Variants in TRAPPC8 observed in about 807,000 individuals in gnomAD.
The protein encoded by TRAPPC8 is trafficking protein particle complex subunit 8.
TRAPPC8 carries 54 observed loss-of-function variants against 174.3 expected under a neutral mutation model. That is an observed-to-expected ratio of 0.31 (90% CI 0.25 to 0.39). The LOEUF (loss-of-function observed/expected upper bound fraction) is 0.39. TRAPPC8 is among the 10% of genes least tolerant of loss of function. The probability of loss-of-function intolerance (pLI) is 1.00; values close to 1 mark genes in which losing one functional copy is unlikely to be tolerated. For synonymous variants in TRAPPC8, 630 were observed against 579.9 expected (o/e 1.09, Z -1.24); for missense variants, 1,531 against 1,699.1 (o/e 0.90, Z 1.74).
At chr18:31,885,625 G>A (rs566951977) in intron 12 of TRAPPC8, among the ~76,000 whole-genome samples, 2 of 151,940 alleles carry the variant, frequency 1.3e-5, no homozygotes, top group East Asian at 1.9e-4. Flanking sequence ...TTGGGAAGCC[G>A]AGGTGGGCAG....
At chr18:31,900,889 A>T in intron 10 of TRAPPC8, 36 bp downstream of exon 10, 1 of 1,474,358 alleles carries the variant, frequency 6.8e-7, no homozygotes, top group African/African-American at 1.5e-5. Context: ...ACTGACCTTT[A>T]ACTGGATACA....
chr18:31,858,026 T>C, intron 19 of TRAPPC8, 44 bp from the exon 20 acceptor site: 2 of 1,510,854 alleles, frequency 1.3e-6, no homozygotes, highest in Non-Finnish European at 1.8e-6. Flanking sequence ...TGTTAAAAAT[T>C]TTGAACCTCT....
At chr18:31,925,401 A>G (rs1027841792) in intron 2 of TRAPPC8, among the ~76,000 whole-genome samples, 1 of 152,112 alleles carries the variant, frequency 6.6e-6, no homozygotes, top group East Asian at 1.9e-4. Flanking sequence ...CCAAAAAGAC[A>G]CCAAACATTA....
At chr18:31,921,851 G>C (rs889031558) in intron 2 of TRAPPC8, among the ~76,000 whole-genome samples, 16 of 152,156 alleles carry the variant, frequency 1.1e-4, no homozygotes, top group African/African-American at 3.9e-4. Context: ...AGGAAGAAAT[G>C]AAGGGGAAAT....
intron 27 of TRAPPC8, among the ~76,000 whole-genome samples, chr18:31,837,044 G>A (rs1368259194): frequency 6.6e-6 from 1 of 152,028 alleles, no homozygotes; most frequent in Non-Finnish European, 1.5e-5. Flanking sequence ...TTACAGGCGT[G>A]AGCCACCGCG....
Position 31,908,312 on chromosome 18 carries a change from G to C in TRAPPC8, c.1229C>G (p.Ser410Cys), listed in dbSNP as rs1361508486. 1 of 1,597,016 alleles carries C rather than the reference G, an allele frequency of 6.3e-7. No individual in the cohort carries two copies. Among genetic ancestry groups the C allele is most frequent in the Non-Finnish European group, 8.5e-7 (1 of 1,172,728 alleles). The part of the protein sequence containing the change: ...EKSINDLKNT[S>C]GLLYPPEAPE... ...ATAACACTTTACTCACAGCAAGCCA[G>C]ATGTATTTTTCAGGTCATTAATGCT... The change falls in exon 8 of 29, where the codon TCT (serine) becomes TGT (cysteine). Residue 410 changes from serine to cysteine, a missense_variant. Ser to Cys is a moderately radical substitution (Grantham distance 112). Coordinates refer to ENST00000283351, the MANE Select transcript of TRAPPC8 (RefSeq NM_014939.5).
chr18:31,913,439 T>A lies in TRAPPC8; in HGVS notation c.701A>T (p.Asn234Ile). 4.3e-6 allele frequency: 7 copies of A among 1,611,592 alleles called. No homozygotes were observed. The Middle Eastern group carries it at 5.2e-4, about 119-fold the overall frequency. The change falls in exon 5 of 29, where the codon AAT becomes ATT. Residue 234 changes from asparagine (N) to isoleucine (I), a missense_variant. By Grantham distance (149) the Asn-to-Ile change is moderately radical. Coordinates refer to ENST00000283351, the MANE Select transcript of TRAPPC8 (RefSeq NM_014939.5). ...TGGTATCTGTTCATCTGATGCTCGATTAGATGTTCGAGAATTAATTTTAAG... is the reference window on the plus strand; with the variant it reads ...TGGTATCTGTTCATCTGATGCTCGAATAGATGTTCGAGAATTAATTTTAAG... ...YLLKINSRTSNRASDEQIPDP... is the reference protein window; with the variant it reads ...YLLKINSRTSIRASDEQIPDP...
intron 25 of TRAPPC8, among the ~76,000 whole-genome samples, 168 bp from the exon 26 acceptor site, chr18:31,846,985 G>A (rs991788570): frequency 2.6e-5 from 4 of 152,144 alleles, no homozygotes; most frequent in African/African-American, 9.7e-5. Flanking sequence ...AATCAATAAA[G>A]TATCTATCCA....
At chr18:31,908,049 C>A (rs547745255) in intron 8 of TRAPPC8, among the ~76,000 whole-genome samples, 5 of 152,110 alleles carry the variant, frequency 3.3e-5, no homozygotes, top group African/African-American at 7.2e-5. Context: ...CTAATGAATA[C>A]CTAGTCTAAC....
chr18:31,938,204 AATTAAT>A (rs1321070588), intron 1 of TRAPPC8, among the ~76,000 whole-genome samples: 2 of 134,494 alleles, frequency 1.5e-5, no homozygotes, highest in African/African-American at 2.7e-5. Flanking sequence ...TTGCTTGATT[AATTAAT>A]ATTAATACCA....
At chr18:31,880,177 A>G (rs1277821164) in intron 12 of TRAPPC8, among the ~76,000 whole-genome samples, 4 of 146,814 alleles carry the variant, frequency 2.7e-5, no homozygotes, top group Non-Finnish European at 6.0e-5. Context: ...TCCTGATATC[A>G]AAATCTGGCA....
chr18:31,869,394 C>T (rs1335970403), intron 16 of TRAPPC8, among the ~76,000 whole-genome samples: 2 of 152,166 alleles, frequency 1.3e-5, no homozygotes, highest in East Asian at 3.8e-4. Context: ...GTTAATACTG[C>T]TTACTGTCAT....
intron 12 of TRAPPC8, among the ~76,000 whole-genome samples, chr18:31,878,598 T>C (rs1213354765): frequency 1.3e-5 from 2 of 152,114 alleles, no homozygotes; most frequent in Non-Finnish European, 2.9e-5. Context: ...AGTTATACAA[T>C]TGGGACTACA....
chr18:31,923,080 G>C (rs1307794760), intron 2 of TRAPPC8, among the ~76,000 whole-genome samples: 1 of 152,124 alleles, frequency 6.6e-6, no homozygotes, highest in Non-Finnish European at 1.5e-5. Context: ...GGGTAATATG[G>C]TCTTCCTTCC....
intron 13 of TRAPPC8, chr18:31,873,783 G>A: frequency 2.8e-6 from 1 of 356,554 alleles, no homozygotes; most frequent in African/African-American, 2.1e-5. Context: ...TGTTAAATAT[G>A]CAAAACTTAT....
chr18:31,850,474 A>C (rs1370697579), intron 24 of TRAPPC8, among the ~76,000 whole-genome samples: 2 of 152,240 alleles, frequency 1.3e-5, no homozygotes, highest in East Asian at 3.8e-4. Context: ...ATTAGCATTA[A>C]CTTGGCTTTC....
At chr18:31,834,862 G>GT (rs1214036965) in intron 27 of TRAPPC8, among the ~76,000 whole-genome samples, 5 of 151,954 alleles carry the variant, frequency 3.3e-5, no homozygotes, top group Admixed American at 2.0e-4. Flanking sequence ...ATTTCTACTT[G>GT]TTTTCTGAAA....
At chr18:31,859,176 C>G (rs1598619038) in intron 19 of TRAPPC8, among the ~76,000 whole-genome samples, 1 of 151,936 alleles carries the variant, frequency 6.6e-6, no homozygotes, top group African/African-American at 2.4e-5. Flanking sequence ...ATAAAGGTAA[C>G]AATATGAGTG....
intron 12 of TRAPPC8, among the ~76,000 whole-genome samples, chr18:31,887,415 C>T (rs1413674795): frequency 5.9e-5 from 9 of 152,054 alleles, no homozygotes; most frequent in Non-Finnish European, 1.3e-4. Context: ...GAGGCCAAGG[C>T]GGACGGATCA....
Sources: allele counts gnomAD v4.1 joint callset (sites outside exome capture counted in the v4.1 genomes callset), GRCh38; gene constraint gnomAD v4.1.1; transcripts MANE v1.5; gene names NCBI Gene and HGNC (gene_info 2026-07-23, HGNC 2026-07-21).